XRCC2: variants seen among roughly 807,000 people sequenced by gnomAD.
XRCC2 encodes DNA repair protein XRCC2.
XRCC2 carries 24 observed loss-of-function variants against 27.3 expected under a neutral mutation model. The ratio of observed to expected loss-of-function variants is 0.88; its 90% confidence interval spans 0.64 to 1.24. The LOEUF (loss-of-function observed/expected upper bound fraction) is 1.24. Ranked by LOEUF, XRCC2 falls within the 50% of genes most tolerant of loss-of-function variation. The probability of loss-of-function intolerance (pLI) is 0.00; values close to 1 mark genes in which losing one functional copy is unlikely to be tolerated. For missense variants in XRCC2, 321 were observed against 325.8 expected, an observed-to-expected ratio of 0.99 and a Z score of 0.11; for synonymous variants, 106 against 115.4, an observed-to-expected ratio of 0.92 and a Z score of 0.52.
At chr7:152,662,977 G>A (rs1037083899) in intron 1 of XRCC2, among the ~76,000 whole-genome samples, 7 of 152,032 alleles carry the variant, frequency 4.6e-5, no homozygotes, top group Non-Finnish European at 8.8e-5. Context: ...TTTCTGTTGC[G>A]TATGAAGCAC....
intron 1 of XRCC2, among the ~76,000 whole-genome samples, chr7:152,662,960 C>T (rs1057058155): frequency 2.6e-5 from 4 of 151,964 alleles, no homozygotes; most frequent in African/African-American, 7.3e-5. Flanking sequence ...AACAGGCGTT[C>T]GTTGAATTTC....
chr7:152,658,183 C>G (rs958813858), intron 2 of XRCC2, among the ~76,000 whole-genome samples: 1 of 150,904 alleles, frequency 6.6e-6, no homozygotes, highest in Non-Finnish European at 1.5e-5. Context: ...CTCACTCTGT[C>G]GCCCAGGCTG....
chr7:152,648,327 A>G lies in XRCC2; in HGVS notation c.*315T>C, dbSNP rs1447423675. The G allele has an allele frequency of 5.4e-6, 1 of 185,594 alleles. No homozygotes were observed. The highest frequency in any genetic ancestry group is 1.0e-4 in the East Asian group (1 of 9,790). 11.5% of individuals were successfully genotyped at this position (185,594 alleles called of 1,614,324 possible). A position where few individuals can be genotyped will look rare whatever the true frequency, so the allele number is the denominator to read the frequency against. ...GAGGCTGAGGTGGAAGAATCACTTGAACCCAAGAGGCAGAGGCTGCAGCGG... is the reference window on the plus strand; with the variant it reads ...GAGGCTGAGGTGGAAGAATCACTTGGACCCAAGAGGCAGAGGCTGCAGCGG... On this transcript the variant is annotated 3_prime_UTR_variant, in exon 3 of 3. Transcript: ENST00000359321.
chr7:152,669,788 T>C (rs946919348), intron 1 of XRCC2, among the ~76,000 whole-genome samples: 1 of 151,842 alleles, frequency 6.6e-6, no homozygotes. Flanking sequence ...GCCAACACAG[T>C]TGCTGTTTTC....
At chr7:152,657,118 C>T (rs904447487) in intron 2 of XRCC2, among the ~76,000 whole-genome samples, 1 of 151,394 alleles carries the variant, frequency 6.6e-6, no homozygotes, top group African/African-American at 2.4e-5. Flanking sequence ...CACCTGTAGT[C>T]CCAGGTACTG....
Position 152,660,722 on chromosome 7 carries a change from CAGCA to C in XRCC2, c.96_99del (p.Phe32LeufsTer29), listed in dbSNP as rs1554411684. 1.2e-6 allele frequency: 2 copies of C among 1,613,388 alleles called. No homozygotes were observed. The highest frequency in any genetic ancestry group is 1.7e-6 in the Non-Finnish European group (2 of 1,179,854). On this transcript the variant is annotated frameshift_variant, in exon 2 of 3. Coordinates refer to ENST00000359321, the MANE Select transcript of XRCC2 (RefSeq NM_005431.2). LOFTEE classifies it high-confidence loss of function. Reference sequence around the variant, plus strand: ...TTACCATGCACAGGTGAATCTTCATCAGCAAACAGATTTGGTTCTATTTCTTTCA... The same window carrying C: ...TTACCATGCACAGGTGAATCTTCATCAACAGATTTGGTTCTATTTCTTTCA...
At chr7:152,652,002 C>CA (rs1482562040) in intron 2 of XRCC2, among the ~76,000 whole-genome samples, 1 of 151,236 alleles carries the variant, frequency 6.6e-6, no homozygotes, top group Non-Finnish European at 1.5e-5. Flanking sequence ...CCTGCCTTTA[C>CA]AAAAAATTAA....
At chr7:152,674,747 T>TTTTAAATATATATTATATATAAATATATA (rs2098040019) in intron 1 of XRCC2, among the ~76,000 whole-genome samples, 1 of 58,134 alleles carries the variant, frequency 1.7e-5, no homozygotes, top group Admixed American at 1.9e-4. Context: ...ATAAATATAT[T>TTTTAAATATATATTATATATAAATATATA]TTTAAATATA....
In XRCC2 at chr7:152,646,057, C is replaced by T. The variant is rs1233895327; in HGVS notation, c.*2585G>A. ...ATCTCCTCTGTGCTTTGGATCTGTC[C>T]TGCTGTATTCGGTTCTTTTAAATTT... On this transcript the variant is annotated 3_prime_UTR_variant, in exon 3 of 3. Transcript: ENST00000359321. 2.0e-5 allele frequency: 3 copies of T among 152,140 alleles called. No homozygotes were observed. The highest frequency in any genetic ancestry group is 6.5e-5 in the Admixed American group (1 of 15,268). The allele number at this position is 152,140 out of a possible 1,614,324, so 9.4% of individuals were successfully genotyped here.
At chr7:152,671,257 C>G (rs1352823941) in intron 1 of XRCC2, among the ~76,000 whole-genome samples, 2 of 151,958 alleles carry the variant, frequency 1.3e-5, no homozygotes, top group African/African-American at 4.8e-5. Flanking sequence ...AATTTAAAAC[C>G]TCCAGAGAAA....
intron 1 of XRCC2, among the ~76,000 whole-genome samples, chr7:152,666,352 C>G (rs1205446341): frequency 6.6e-6 from 1 of 152,058 alleles, no homozygotes; most frequent in Non-Finnish European, 1.5e-5. Flanking sequence ...GCTGGGACCA[C>G]AGGTGTGTGC....
At chr7:152,657,960 G>GTTTTTTTTTC (rs760103375) in intron 2 of XRCC2, among the ~76,000 whole-genome samples, 4 of 136,230 alleles carry the variant, frequency 2.9e-5, no homozygotes, top group African/African-American at 8.4e-5. Context: ...TTTTGTCTTT[G>GTTTTTTTTTC]TTTTTTTTTT....
chr7:152,660,329 G>A (rs761346095), intron 2 of XRCC2, among the ~76,000 whole-genome samples: 2 of 152,050 alleles, frequency 1.3e-5, no homozygotes, highest in Non-Finnish European at 2.9e-5. Context: ...CTAAGCGCAC[G>A]CCCTTAGTAA....
At chr7:152,649,682 C>T (rs927156090) in intron 2 of XRCC2, among the ~76,000 whole-genome samples, 7 of 152,178 alleles carry the variant, frequency 4.6e-5, no homozygotes, top group Admixed American at 4.6e-4. Context: ...CACACCCTTT[C>T]TGGTAGTTGA....
At chr7:152,663,781 G>T (rs959812091) in intron 1 of XRCC2, among the ~76,000 whole-genome samples, 6 of 152,222 alleles carry the variant, frequency 3.9e-5, no homozygotes, top group Non-Finnish European at 8.8e-5. Flanking sequence ...CGAGGCTGCA[G>T]TGAGTCAAGA....
intron 1 of XRCC2, 50 bp from the exon 2 acceptor site, chr7:152,660,832 C>G (rs777150872): frequency 2.1e-6 from 3 of 1,461,790 alleles, no homozygotes; most frequent in Non-Finnish European, 2.8e-6. Flanking sequence ...ATATAAAATC[C>G]TAGACATCTA....
At chr7:152,662,515 A>G (rs1282457831) in intron 1 of XRCC2, among the ~76,000 whole-genome samples, 2 of 151,838 alleles carry the variant, frequency 1.3e-5, no homozygotes, top group African/African-American at 4.8e-5. Context: ...CTATATGACA[A>G]AAGAAAAAAA....
chr7:152,666,845 T>A (rs1480242478), intron 1 of XRCC2, among the ~76,000 whole-genome samples: 1 of 151,500 alleles, frequency 6.6e-6, no homozygotes, highest in Non-Finnish European at 1.5e-5. Flanking sequence ...CTCAAACTCC[T>A]GACCTCAGGT....
At position 152,648,091 on chromosome 7, in the gene XRCC2, G is replaced by C. The variant is rs1186303996; in HGVS notation, c.*551C>G. 2 of 152,160 alleles carry C rather than the reference G, an allele frequency of 1.3e-5. No individual in the cohort carries two copies. The highest frequency in any genetic ancestry group is 2.9e-5 in the Non-Finnish European group (2 of 68,036). The allele number at this position is 152,160 out of a possible 1,614,324, so 9.4% of individuals were successfully genotyped here. A position where few individuals can be genotyped will look rare whatever the true frequency, so the allele number is the denominator to read the frequency against. On this transcript the variant is annotated 3_prime_UTR_variant, in exon 3 of 3. Coordinates refer to ENST00000359321, the MANE Select transcript of XRCC2 (RefSeq NM_005431.2). ...TGTGCTAGTTTAACAAATCCATTCT[G>C]TAAAGAAATACTGTTAATTCCCCTA...
Sources: allele counts gnomAD v4.1 joint callset (sites outside exome capture counted in the v4.1 genomes callset), GRCh38; gene constraint gnomAD v4.1.1; transcripts MANE v1.5; gene names NCBI Gene and HGNC (gene_info 2026-07-23, HGNC 2026-07-21).